The following GALNTL6 variants were observed in gnomAD, a reference collection of about 807,000 sequenced individuals.
GALNTL6 encodes polypeptide N-acetylgalactosaminyltransferase like 6.
Under a neutral mutation model 73.7 loss-of-function variants are expected in GALNTL6, and 46 were observed. That is an observed-to-expected ratio of 0.62 (90% CI 0.49 to 0.80). The LOEUF (loss-of-function observed/expected upper bound fraction) is 0.80, where lower values mean the gene tolerates loss of function less well. Ranked by LOEUF, GALNTL6 falls within the 30% of genes least tolerant of loss-of-function variation. GALNTL6 has a pLI of 0.00. For synonymous variants in GALNTL6, 259 were observed against 263.7 expected, an observed-to-expected ratio of 0.98 and a Z score of 0.17; for missense variants, 604 against 755.0, an observed-to-expected ratio of 0.80 and a Z score of 2.34.
At chr4:172,029,399 G>T (rs969370389) in intron 2 of GALNTL6, among the ~76,000 whole-genome samples, 2 of 151,904 alleles carry the variant, frequency 1.3e-5, no homozygotes, top group Non-Finnish European at 2.9e-5. Context: ...AACCTCAAAT[G>T]GCTACATAAA....
chr4:172,210,159 CA>C lies in GALNTL6; in HGVS notation c.139-19496del, dbSNP rs1736275949. Among the ~76,000 whole-genome samples the C allele has an allele frequency of 2.0e-5, 3 of 152,126 alleles. No homozygotes were observed. The South Asian group carries it at 6.2e-4, about 32-fold the overall frequency. ...GATAATTTCTGAAAAGACTTGTGGT[CA>C]TTTTTAAGACACCTTATTTTTATCA... On this transcript the variant is annotated intron_variant, in intron 2 of 12. Coordinates refer to ENST00000506823, the MANE Select transcript of GALNTL6 (RefSeq NM_001034845.3).
chr4:172,708,828 C>T (rs1023762684), intron 5 of GALNTL6, among the ~76,000 whole-genome samples: 6 of 152,242 alleles, frequency 3.9e-5, no homozygotes, highest in African/African-American at 1.4e-4. Context: ...AAATCTTCAT[C>T]CAAGTTTTCT....
At chr4:172,449,246 C>G (rs1214014536) in intron 5 of GALNTL6, among the ~76,000 whole-genome samples, 1 of 152,174 alleles carries the variant, frequency 6.6e-6, no homozygotes, top group Non-Finnish European at 1.5e-5. Flanking sequence ...ACCTTCCTAC[C>G]AGGTCATTCC....
chr4:172,907,386 G>C (rs1325407185), intron 8 of GALNTL6, among the ~76,000 whole-genome samples: 2 of 152,030 alleles, frequency 1.3e-5, no homozygotes, highest in East Asian at 1.9e-4. Context: ...TTACACAATA[G>C]ACTAGCTATT....
At chr4:172,209,245 A>G (rs1034292992) in intron 2 of GALNTL6, among the ~76,000 whole-genome samples, 1 of 152,102 alleles carries the variant, frequency 6.6e-6, no homozygotes, top group African/African-American at 2.4e-5. Flanking sequence ...CAGAGATTCT[A>G]TGAGATATTT....
intron 2 of GALNTL6, among the ~76,000 whole-genome samples, chr4:172,229,257 T>C (rs1216780552): frequency 1.3e-5 from 2 of 152,226 alleles, no homozygotes; most frequent in Non-Finnish European, 1.5e-5. Flanking sequence ...CGTTCAGATA[T>C]GTTTGATCAA....
chr4:172,464,702 C>T (rs1732743198), intron 5 of GALNTL6, among the ~76,000 whole-genome samples: 1 of 150,994 alleles, frequency 6.6e-6, no homozygotes, highest in Admixed American at 6.6e-5. Flanking sequence ...GAGTGAGACT[C>T]TGTCTCAAAA....
At chr4:172,571,114 TA>T (rs1364804459) in intron 5 of GALNTL6, among the ~76,000 whole-genome samples, 2 of 152,204 alleles carry the variant, frequency 1.3e-5, no homozygotes, top group African/African-American at 4.8e-5. Flanking sequence ...CAGACTGGTA[TA>T]GGGGTTGGGG....
At chr4:172,273,056 G>GT (rs11401466) in intron 3 of GALNTL6, among the ~76,000 whole-genome samples, 73,274 of 151,770 alleles carry the variant, frequency 0.48, 17,636 homozygotes, top group Middle Eastern at 0.55. Context: ...TTTAAAAAAT[G>GT]AATAACATAG....
intron 7 of GALNTL6, among the ~76,000 whole-genome samples, chr4:172,851,078 T>A (rs549255877): frequency 6.6e-6 from 1 of 151,786 alleles, no homozygotes; most frequent in East Asian, 1.9e-4. Flanking sequence ...AGAATGGGGG[T>A]GGGGCTGAGT....
At chr4:172,310,812 A>G (rs1342764210) in intron 3 of GALNTL6, among the ~76,000 whole-genome samples, 1 of 151,994 alleles carries the variant, frequency 6.6e-6, no homozygotes, top group Non-Finnish European at 1.5e-5. Flanking sequence ...AAAAGAAAAA[A>G]GTAAAATCAT....
intron 5 of GALNTL6, among the ~76,000 whole-genome samples, chr4:172,367,436 A>T (rs1388500058): frequency 6.6e-6 from 1 of 152,054 alleles, no homozygotes; most frequent in African/African-American, 2.4e-5. Flanking sequence ...CAAGATAATG[A>T]ATGCCTTCAT....
At chr4:172,986,935 T>C (rs572579139) in intron 10 of GALNTL6, among the ~76,000 whole-genome samples, 1 of 152,302 alleles carries the variant, frequency 6.6e-6, no homozygotes, top group East Asian at 1.9e-4. Context: ...AAGCATTAAT[T>C]TGGGGACTTG....
chr4:172,495,197 G>T (rs1168338397), intron 5 of GALNTL6, among the ~76,000 whole-genome samples: 1 of 152,106 alleles, frequency 6.6e-6, no homozygotes, highest in Admixed American at 6.6e-5. Context: ...GTTGAGAAAA[G>T]GCTAAAATAT....
At chr4:172,597,223 A>G (rs1473208181) in intron 5 of GALNTL6, among the ~76,000 whole-genome samples, 1 of 152,164 alleles carries the variant, frequency 6.6e-6, no homozygotes, top group Non-Finnish European at 1.5e-5. Flanking sequence ...CATCAATTGG[A>G]TATGACACTG....
At chr4:172,191,277 T>C (rs2110878596) in intron 2 of GALNTL6, among the ~76,000 whole-genome samples, 1 of 152,326 alleles carries the variant, frequency 6.6e-6, no homozygotes, top group Admixed American at 6.5e-5. Context: ...CGTAATTCTC[T>C]CTCAAAGTCC....
intron 2 of GALNTL6, among the ~76,000 whole-genome samples, chr4:172,015,794 A>G (rs1328992155): frequency 6.6e-6 from 1 of 151,934 alleles, no homozygotes; most frequent in Non-Finnish European, 1.5e-5. Flanking sequence ...ATCTTCATTT[A>G]TGAAGTTCAG....
chr4:171,958,442 G>GT (rs543213425), intron 2 of GALNTL6, among the ~76,000 whole-genome samples: 79 of 152,100 alleles, frequency 5.2e-4, no homozygotes, highest in Admixed American at 9.2e-4. Context: ...GAAAATTTTT[G>GT]TTTTTTTAAC....
intron 5 of GALNTL6, among the ~76,000 whole-genome samples, chr4:172,581,396 T>C (rs563213308): frequency 1.3e-5 from 2 of 152,280 alleles, no homozygotes; most frequent in Admixed American, 6.5e-5. Context: ...TATGAAGTTA[T>C]CTGACCTGTG....
Sources: allele counts gnomAD v4.1 joint callset (sites outside exome capture counted in the v4.1 genomes callset), GRCh38; gene constraint gnomAD v4.1.1; transcripts MANE v1.5; gene names NCBI Gene and HGNC (gene_info 2026-07-23, HGNC 2026-07-21).